The following ARHGAP30 variants were observed in gnomAD, a reference collection of about 807,000 sequenced individuals.
ARHGAP30 encodes rho GTPase-activating protein 30.
In ARHGAP30, 23 loss-of-function variants were observed where a neutral mutation model predicts 72.0. That is an observed-to-expected ratio of 0.32 (90% CI 0.23 to 0.45). ARHGAP30 has a LOEUF of 0.45. Ranked by LOEUF, ARHGAP30 falls within the 20% of genes least tolerant of loss-of-function variation. The probability of loss-of-function intolerance (pLI) is 1.00; values close to 1 mark genes in which losing one functional copy is unlikely to be tolerated. For missense variants in ARHGAP30, 1,319 were observed against 1,383.4 expected (o/e 0.95, Z 0.74); for synonymous variants, 576 against 528.2 (o/e 1.09, Z -1.24).
chr1:161,058,685 A>G (rs1652082013), intron 2 of ARHGAP30, among the ~76,000 whole-genome samples: 1 of 149,302 alleles, frequency 6.7e-6, no homozygotes, highest in Non-Finnish European at 1.5e-5. Context: ...ACATAGTGAA[A>G]CCCCATTTCT....
intron 1 of ARHGAP30, among the ~76,000 whole-genome samples, chr1:161,064,138 TC>T (rs1296293254): frequency 6.6e-6 from 1 of 152,216 alleles, no homozygotes; most frequent in African/African-American, 2.4e-5. Flanking sequence ...TTTGAAACTC[TC>T]TAATAAAAAC....
Position 161,048,531 on chromosome 1 carries a change from T to A in ARHGAP30, c.2490A>T (p.Gly830=). The change falls in exon 12 of 12, where the codon GGA becomes GGT. Residue 830 remains glycine (G), a synonymous_variant. Coordinates refer to ENST00000368013, the MANE Select transcript of ARHGAP30 (RefSeq NM_001025598.2). ...SRSPEAATEG[G]AGEVSKERES... is the part of the protein sequence containing the mutation. ...CCCGTTCCTTGCTGACCTCCCCTGC[T>A]CCTCCTTCAGTTGCTGCTTCTGGGC... 4 of 1,614,084 alleles carry A rather than the reference T, an allele frequency of 2.5e-6. No individual in the cohort carries two copies. Among genetic ancestry groups the A allele is most frequent in the Non-Finnish European group, 2.5e-6 (3 of 1,180,006 alleles).
At chr1:161,064,759 GA>G (rs1652562300) in intron 1 of ARHGAP30, among the ~76,000 whole-genome samples, 1 of 118,310 alleles carries the variant, frequency 8.5e-6, no homozygotes, top group South Asian at 2.7e-4. Flanking sequence ...AAGAAAGAAA[GA>G]GAAAGAAAGA....
intron 10 of ARHGAP30, among the ~76,000 whole-genome samples, chr1:161,050,744 G>A (rs1046235189): frequency 6.6e-6 from 1 of 151,688 alleles, no homozygotes; most frequent in Non-Finnish European, 1.5e-5. Flanking sequence ...GGGTTCAAGC[G>A]ATTCTCCTGC....
At chr1:161,049,722 A>G in intron 10 of ARHGAP30, 33 bp from the exon 11 acceptor site, 1 of 1,601,106 alleles carries the variant, frequency 6.2e-7, no homozygotes, top group South Asian at 1.1e-5. Context: ...AGGAATACAA[A>G]GGTCAAGCCC....
rs150907238 is a variant in ARHGAP30, at chr1:161,049,242, G to A, written c.1779C>T (p.Ser593=). 1.4e-4 allele frequency: 234 copies of A among 1,614,104 alleles called. 1 individual carries two copies. The African/African-American group carries it at 1.7e-3, about 12-fold the overall frequency. The change falls in exon 12 of 12, where the codon TCC becomes TCT. Residue 593 remains serine, a synonymous_variant. Transcript: ENST00000368013. ...VLAPSCCSLD[S]AGPRPEVEEE... Reference sequence around the variant, plus strand: ...CCTCAACTTCAGGCCTGGGGCCAGCGGAGTCCAGGGAACAGCAGCTGGGGG... The same window carrying A: ...CCTCAACTTCAGGCCTGGGGCCAGCAGAGTCCAGGGAACAGCAGCTGGGGG...
Position 161,052,487 on chromosome 1 carries a change from G to A in ARHGAP30, c.893C>T (p.Ser298Phe), listed in dbSNP as rs772588685. Reference sequence around the variant, plus strand: ...AAGTTTACGCTTAGTCTCATGGCCAGAGCGACCTAAATTGAAGATAGACCT... The same window carrying A: ...AAGTTTACGCTTAGTCTCATGGCCAAAGCGACCTAAATTGAAGATAGACCT... Reference protein sequence around the residue: ...KWRSIFNLGRSGHETKRKLPR... With the variant: ...KWRSIFNLGRFGHETKRKLPR... The change falls in exon 8 of 12, where the codon TCT (serine) becomes TTT (phenylalanine). Residue 298 changes from serine (S) to phenylalanine (F), a missense_variant. Physicochemically the swap from Ser to Phe is radical, Grantham distance 155. Transcript: ENST00000368013. 54 of 1,613,668 alleles carry A rather than the reference G, an allele frequency of 3.3e-5. No individual in the cohort carries two copies. Among genetic ancestry groups the A allele is most frequent in the Non-Finnish European group, 4.5e-5 (53 of 1,179,992 alleles).
rs866671800 is a variant in ARHGAP30, at chr1:161,067,290, C to T, written c.97+2238G>A. Among the ~76,000 whole-genome samples, 6 of 151,892 alleles carry T rather than the reference C, an allele frequency of 4.0e-5. No homozygotes were observed. The East Asian group carries it at 1.2e-3, about 29-fold the overall frequency. Reference sequence around the variant, plus strand: ...CCTGAGAATTAGAAACCTGAACAATCGGCCAGGTGCGGTGGCTCACGCCTG... The same window carrying T: ...CCTGAGAATTAGAAACCTGAACAATTGGCCAGGTGCGGTGGCTCACGCCTG... On this transcript the variant is annotated intron_variant, in intron 1 of 11. Coordinates refer to ENST00000368013, the MANE Select transcript of ARHGAP30 (RefSeq NM_001025598.2).
chr1:161,053,465 T>TCTCC (rs1651577339), intron 5 of ARHGAP30, 80 bp from the exon 6 acceptor site: 14 of 470,366 alleles, frequency 3.0e-5, no homozygotes, highest in Non-Finnish European at 1.7e-5. Flanking sequence ...TACCTTATTC[T>TCTCC]CTCTCTCTCT....
intron 2 of ARHGAP30, among the ~76,000 whole-genome samples, chr1:161,056,876 A>G (rs542490193): frequency 6.6e-6 from 1 of 152,274 alleles, no homozygotes; most frequent in East Asian, 1.9e-4. Context: ...GTAAAAATGG[A>G]TGGGTATAAC....
At chr1:161,050,459 C>T (rs1216102352) in intron 10 of ARHGAP30, among the ~76,000 whole-genome samples, 2 of 150,988 alleles carry the variant, frequency 1.3e-5, no homozygotes, top group African/African-American at 2.4e-5. Flanking sequence ...TCACCACGCA[C>T]GCCTGGCTAA....
intron 10 of ARHGAP30, 104 bp from the exon 11 acceptor site, chr1:161,049,793 A>G: frequency 7.7e-6 from 11 of 1,424,528 alleles, no homozygotes; most frequent in East Asian, 2.3e-5. Context: ...CACTCCCAGC[A>G]TTGCTACTCT....
At position 161,048,284 on chromosome 1, in the gene ARHGAP30, A is replaced by G; in HGVS notation, c.2737T>C (p.Cys913Arg). Reference protein sequence around the residue: ...QPSPDGCLCPCSLGLGGVGMR... With the variant: ...QPSPDGCLCPRSLGLGGVGMR... ...CCCACGCCACCCAGGCCAAGAGAACAGGGGCATAGACAGCCGTCTGGACTG... is the reference window on the plus strand; with the variant it reads ...CCCACGCCACCCAGGCCAAGAGAACGGGGGCATAGACAGCCGTCTGGACTG... The change falls in exon 12 of 12, where the codon TGT (cysteine) becomes CGT (arginine). Residue 913 changes from cysteine (C) to arginine (R), a missense_variant. This residue lies in a region of ARHGAP30 where 1,097 missense variants were observed against 1,045.2 expected (regional missense o/e 1.05). Coordinates refer to ENST00000368013, the MANE Select transcript of ARHGAP30 (RefSeq NM_001025598.2). 13 of 1,614,168 alleles carry G rather than the reference A, an allele frequency of 8.1e-6. No individual in the cohort carries two copies. Among genetic ancestry groups the G allele is most frequent in the Non-Finnish European group, 1.1e-5 (13 of 1,180,004 alleles).
chr1:161,054,969 C>G (rs541854886), intron 3 of ARHGAP30, among the ~76,000 whole-genome samples: 26 of 152,118 alleles, frequency 1.7e-4, no homozygotes, highest in Non-Finnish European at 3.7e-4. Context: ...CCGTAGAGCT[C>G]TGGTACTGGG....
At chr1:161,063,545 C>T (rs929004240) in intron 1 of ARHGAP30, among the ~76,000 whole-genome samples, 3 of 152,122 alleles carry the variant, frequency 2.0e-5, no homozygotes, top group African/African-American at 4.8e-5. Flanking sequence ...GTAATAATTG[C>T]GTTAACTACA....
Position 161,051,486 on chromosome 1 carries a change from G to A in ARHGAP30, c.1248C>T (p.Tyr416=). 2.5e-6 allele frequency: 4 copies of A among 1,614,248 alleles called. No homozygotes were observed. Among genetic ancestry groups the A allele is most frequent in the Non-Finnish European group, 3.4e-6 (4 of 1,180,046 alleles). Residue 416 remains tyrosine (Y), a synonymous_variant, in exon 10 of 12, where the codon TAC becomes TAT. Coordinates refer to ENST00000368013, the MANE Select transcript of ARHGAP30 (RefSeq NM_001025598.2). ...RCAGVHISDP[Y]NVNLPLHITS... ...TGATGTGTAGCGGGAGGTTGACATTGTAGGGGTCTGAGATGTGGACACCAG... is the reference window on the plus strand; with the variant it reads ...TGATGTGTAGCGGGAGGTTGACATTATAGGGGTCTGAGATGTGGACACCAG...
Position 161,056,427 on chromosome 1 carries a change from C to A in ARHGAP30, c.306G>T (p.Pro102=), listed in dbSNP as rs974887609. The A allele has an allele frequency of 3.1e-6, 5 of 1,613,746 alleles. No homozygotes were observed. The African/African-American group carries it at 5.3e-5, about 17-fold the overall frequency. The stretch of plus-strand genomic sequence containing the variant: ...AGAGCCGGTAAGTGAGCAGGGGATC[C>A]GGCAGTTCTCTGAAATAGGCCTTGC... ...SLCKAYFREL[P]DPLLTYRLYD... is the part of the protein sequence containing the mutation. Residue 102 remains proline (P), a synonymous_variant, in exon 3 of 12, where the codon CCG becomes CCT. Coordinates refer to ENST00000368013, the MANE Select transcript of ARHGAP30 (RefSeq NM_001025598.2).
intron 9 of ARHGAP30, among the ~76,000 whole-genome samples, chr1:161,051,975 A>G (rs1409043327): frequency 7.0e-3 from 4 of 574 alleles, no homozygotes; most frequent in Admixed American, 0.015. Context: ...TGTCACCACC[A>G]CCACCACCAC....
chr1:161,058,472 C>T (rs1401027184), intron 2 of ARHGAP30, among the ~76,000 whole-genome samples: 1 of 146,024 alleles, frequency 6.8e-6, no homozygotes, highest in Non-Finnish European at 1.5e-5. Context: ...ACTAAAGATA[C>T]AAAAATTAGC....
Sources: gnomAD v4.1 joint callset for allele counts (sites outside exome capture counted in the v4.1 genomes callset) on GRCh38, gnomAD v4.1.1 for gene constraint, gnomAD v4.1.1 regional missense constraint, MANE v1.5 for transcripts, NCBI Gene and HGNC (gene_info 2026-07-23, HGNC 2026-07-21) for gene names.